The following MEP1A variants were observed in gnomAD, a reference collection of about 807,000 sequenced individuals.
MEP1A encodes the protein N-benzoyl-L-tyrosyl-P-amino-benzoic acid hydrolase subunit alpha.
A neutral mutation model predicts 84.5 loss-of-function variants in MEP1A; 68 were observed. The ratio of observed to expected loss-of-function variants is 0.80; its 90% CI spans 0.66 to 0.98. MEP1A has a LOEUF of 0.98. Ranked by LOEUF, MEP1A falls within the 50% of genes least tolerant of loss-of-function variation. MEP1A has a pLI of 0.00. For synonymous variants in MEP1A, 337 were observed against 336.8 expected, an observed-to-expected ratio of 1.00 and a Z score of -0.01; for missense variants, 887 against 919.9, an observed-to-expected ratio of 0.96 and a Z score of 0.46.
intron 6 of MEP1A, among the ~76,000 whole-genome samples, chr6:46,814,329 G>A (rs1000283603): frequency 6.6e-6 from 1 of 151,920 alleles, no homozygotes; most frequent in Non-Finnish European, 1.5e-5. Flanking sequence ...CTGCTTGTTC[G>A]ATTCTATTGC....
intron 5 of MEP1A, among the ~76,000 whole-genome samples, chr6:46,803,501 A>G (rs9395213): frequency 0.67 from 101,545 of 150,974 alleles, 34,660 homozygotes; most frequent in African/African-American, 0.77. Flanking sequence ...CCTGCCAGGG[A>G]CTTATTGATT....
chr6:46,826,659 C>A (rs1030256656), intron 9 of MEP1A, among the ~76,000 whole-genome samples, 156 bp downstream of exon 9: 1 of 152,186 alleles, frequency 6.6e-6, no homozygotes. Flanking sequence ...ATTATTAACT[C>A]AGTAAAAAGC....
rs751907422 is a variant in MEP1A at position 46,819,676 on chromosome 6, G to A, written c.528G>A (p.Val176=). 3.1e-6 allele frequency: 5 copies of A among 1,613,980 alleles called. No homozygotes were observed. In the Admixed American group the frequency reaches 8.3e-5, roughly 27 times the overall value. The change falls in exon 7 of 14, where the codon GTG becomes GTA. Residue 176 remains valine, a synonymous_variant. Transcript: ENST00000230588. ...EQSRTDRDDY[V]NIWWDQILSG... The stretch of plus-strand genomic sequence containing the variant: ...CAAGGACGGACCGGGATGATTATGT[G>A]AACATCTGGTGGGACCAAATTCTTT...
intron 5 of MEP1A, among the ~76,000 whole-genome samples, chr6:46,809,099 G>T: frequency 6.6e-6 from 1 of 151,966 alleles, no homozygotes. Context: ...TGCTTCAGTG[G>T]GGGAAAGGCA....
At chr6:46,828,086 G>A (rs944393869) in intron 9 of MEP1A, among the ~76,000 whole-genome samples, 1 of 152,118 alleles carries the variant, frequency 6.6e-6, no homozygotes, top group East Asian at 1.9e-4. Flanking sequence ...CAAAACCCAC[G>A]GAAATAAACA....
At chr6:46,802,365 C>T (rs1201071702) in intron 5 of MEP1A, among the ~76,000 whole-genome samples, 2 of 151,712 alleles carry the variant, frequency 1.3e-5, no homozygotes, top group Non-Finnish European at 3.0e-5. Flanking sequence ...AAAAATTTTA[C>T]TACATAATGT....
At chr6:46,815,892 C>T (rs1388111718) in intron 6 of MEP1A, among the ~76,000 whole-genome samples, 1 of 152,024 alleles carries the variant, frequency 6.6e-6, no homozygotes, top group Non-Finnish European at 1.5e-5. Context: ...AATTAAATAC[C>T]TAACTTACCT....
chr6:46,802,233 T>G (rs184892034), intron 5 of MEP1A, among the ~76,000 whole-genome samples: 3 of 152,106 alleles, frequency 2.0e-5, no homozygotes, highest in Non-Finnish European at 2.9e-5. Flanking sequence ...AGTCCATTTA[T>G]TTCAGTCTTC....
chr6:46,813,386 G>A (rs1490478932), intron 6 of MEP1A, among the ~76,000 whole-genome samples: 1 of 152,058 alleles, frequency 6.6e-6, no homozygotes, highest in Non-Finnish European at 1.5e-5. Flanking sequence ...AAAAGCAAAA[G>A]TGGTGCTAAG....
chr6:46,800,600 G>A (rs754913822), intron 5 of MEP1A, among the ~76,000 whole-genome samples: 1 of 152,146 alleles, frequency 6.6e-6, no homozygotes, highest in Non-Finnish European at 1.5e-5. Flanking sequence ...GTCACCTTTA[G>A]TGTTAAAGTT....
chr6:46,798,646 G>C lies in MEP1A; in HGVS notation c.186G>C (p.Gln62His), dbSNP rs760278408. The change falls in exon 4 of 14, where the codon CAG becomes CAC. Residue 62 changes from glutamine to histidine, a missense_variant and splice_region_variant. Transcript: ENST00000230588. ...TCTTTCAAGGGGACATCCTCTTGCA[G>C]GTGAGTACCTGTCAATGATGCAATA... ...LDLFQGDILL[Q>H]KSRNGLRDPN... The C allele has an allele frequency of 6.2e-7, 1 of 1,613,610 alleles. No individual in the cohort carries two copies. The highest frequency in any genetic ancestry group is 1.1e-5 in the South Asian group (1 of 91,078).
intron 3 of MEP1A, among the ~76,000 whole-genome samples, chr6:46,798,308 C>T (rs188977392): frequency 6.6e-6 from 1 of 152,186 alleles, no homozygotes; most frequent in Admixed American, 6.5e-5. Context: ...AGTGCTGCAT[C>T]GAATCCCTTT....
intron 6 of MEP1A, among the ~76,000 whole-genome samples, chr6:46,819,200 C>T (rs1040729336): frequency 2.0e-5 from 3 of 152,148 alleles, no homozygotes; most frequent in African/African-American, 7.2e-5. Flanking sequence ...TTGGAGTGCC[C>T]TGTGGGTTTG....
Position 46,825,293 on chromosome 6 carries a change from C to T in MEP1A, c.578C>T (p.Thr193Ile), listed in dbSNP as rs751211209. 6.2e-7 allele frequency: 1 copy of T among 1,612,474 alleles called. No individual in the cohort carries two copies. The highest frequency in any genetic ancestry group is 1.3e-5 in the African/African-American group (1 of 74,744). The change falls in exon 8 of 14, where the codon ACC becomes ATC. Residue 193 changes from threonine to isoleucine, a missense_variant. Physicochemically the swap from Thr to Ile is moderately conservative, Grantham distance 89 (BLOSUM62 -1). Coordinates refer to ENST00000230588, the MANE Select transcript of MEP1A (RefSeq NM_005588.3). Reference sequence around the variant, plus strand: ...ACAGGTTACCAGCACAACTTTGACACCTATGATGATAGCTTAATCACAGAC... The same window carrying T: ...ACAGGTTACCAGCACAACTTTGACATCTATGATGATAGCTTAATCACAGAC... ...ILSGYQHNFD[T>I]YDDSLITDLN... is the part of the protein sequence containing the mutation.
intron 11 of MEP1A, 32 bp downstream of exon 11, chr6:46,833,570 C>T (rs370305329): frequency 6.6e-7 from 1 of 1,514,668 alleles, no homozygotes. Flanking sequence ...AAGAACTGCC[C>T]CTTGAACCAG....
At chr6:46,824,604 A>G (rs903619887) in intron 7 of MEP1A, among the ~76,000 whole-genome samples, 3 of 135,538 alleles carry the variant, frequency 2.2e-5, no homozygotes, top group African/African-American at 8.4e-5. Flanking sequence ...TATTAAATAG[A>G]TGTATTTAAA....
In MEP1A at chr6:46,834,687, C is replaced by T. The variant is rs780697771; in HGVS notation, c.1719C>T (p.His573=). ...TGGGCTGGAGTGGTTTCATTTCCCA[C>T]CAAATGCTGAAAAGGAGGAGTTTCC... ...IDLGWSGFIS[H]QMLKRRSFLK... The change falls in exon 12 of 14, where the codon CAC becomes CAT. Residue 573 remains histidine, a synonymous_variant. Transcript: ENST00000230588. 4.3e-6 allele frequency: 7 copies of T among 1,611,534 alleles called. No homozygotes were observed. In the South Asian group the frequency reaches 6.6e-5, roughly 15 times the overall value.
At chr6:46,838,342 T>G (rs1353022172) in intron 13 of MEP1A, among the ~76,000 whole-genome samples, 1 of 152,174 alleles carries the variant, frequency 6.6e-6, no homozygotes, top group African/African-American at 2.4e-5. Flanking sequence ...TGAGATTAGT[T>G]GATCTTTATA....
At chr6:46,838,840 A>G in intron 13 of MEP1A, 140 bp from the exon 14 acceptor site, 1 of 674,660 alleles carries the variant, frequency 1.5e-6, no homozygotes, top group Middle Eastern at 4.3e-4. Context: ...GTCCATATAC[A>G]GCTCTTGAAA....
Sources: gnomAD v4.1 joint callset for allele counts (sites outside exome capture counted in the v4.1 genomes callset) on GRCh38, gnomAD v4.1.1 for gene constraint, MANE v1.5 for transcripts, NCBI Gene and HGNC (gene_info 2026-07-23, HGNC 2026-07-21) for gene names.